GNL3L: variants seen among roughly 807,000 people sequenced by gnomAD.
The protein encoded by GNL3L is G protein nucleolar 3 like.
Under a neutral mutation model 42.9 loss-of-function variants are expected in GNL3L, and 4 were observed. The observed-to-expected ratio is 0.09, with a 90% CI of 0.05 to 0.21. GNL3L has a LOEUF of 0.21. Ranked by LOEUF, GNL3L falls within the 10% of genes least tolerant of loss-of-function variation. The pLI is 1.00. For missense variants in GNL3L, 412 were observed against 481.7 expected, an observed-to-expected ratio of 0.86 and a Z score of 1.36; for synonymous variants, 159 against 176.3, an observed-to-expected ratio of 0.90 and a Z score of 0.78.
chrX:54,596,364 A>T lies in GNL3L; in HGVS notation c.*46-24481A>T, dbSNP rs140602235. ...AACAATATTCTGAGGAATTCTCTGG[A>T]TTAGTAGGCAGAGAGTCTTGTTCTC... is the stretch of plus-strand genomic sequence containing the variant. On this transcript the variant is annotated intron_variant, in intron 16 of 16. Coordinates refer to the GNL3L transcript ENST00000674498. Among the ~76,000 whole-genome samples, 437 of 111,647 alleles carry T rather than the reference A, an allele frequency of 3.9e-3. 3 individuals carry two copies. Among genetic ancestry groups the T allele is most frequent in the African/African-American group, 0.014 (423 of 30,727 alleles).
intron 16 of GNL3L, among the ~76,000 whole-genome samples, chrX:54,573,365 G>A (rs1276867583): frequency 4.1e-4 from 45 of 108,722 alleles, no homozygotes; most frequent in African/African-American, 1.4e-3. Context: ...CCAACACAGC[G>A]AAACCCCATC....
At chrX:54,641,736 TG>T in the GNL3L span, among the ~76,000 whole-genome samples, 1 of 112,172 alleles carries the variant, frequency 8.9e-6, no homozygotes, top group Non-Finnish European at 1.9e-5. Flanking sequence ...ATTGCTCTCT[TG>T]GGAATGTGAA....
rs955982901 is a variant in GNL3L at position 54,537,193 on chromosome X, A to G, written c.20-1847A>G. On this transcript the variant is annotated intron_variant, in intron 2 of 15. Coordinates refer to ENST00000360845, the MANE Select transcript of GNL3L (RefSeq NM_001184819.2). The stretch of plus-strand genomic sequence containing the variant: ...CATGCCGCCACACCTGGTTAATTAA[A>G]CTTTTTTTTTTATATAGACAAGGTC... 2.8e-5 allele frequency among the ~76,000 whole-genome samples: 3 copies of G among 108,658 alleles called. No homozygotes were observed. In the Admixed American group the frequency reaches 3.0e-4, roughly 11 times the overall value. 94.4% of individuals were successfully genotyped at this position (108,658 alleles called of 115,157 possible). A position where few individuals can be genotyped will look rare whatever the true frequency, so the allele number is the denominator to read the frequency against.
At chrX:54,612,684 T>C (rs1236953240) in intron 16 of GNL3L, among the ~76,000 whole-genome samples, 2 of 111,320 alleles carry the variant, frequency 1.8e-5, no homozygotes, top group Admixed American at 9.6e-5. Context: ...CCTTCATATA[T>C]GATGCTTAGT....
At chrX:54,632,415 GT>G in the GNL3L span, among the ~76,000 whole-genome samples, 30 of 103,682 alleles carry the variant, frequency 2.9e-4, no homozygotes, top group South Asian at 1.6e-3. Context: ...ATTATTCTTA[GT>G]TTTTTTTTTT....
At chrX:54,635,889 A>G in the GNL3L span, among the ~76,000 whole-genome samples, 2 of 111,106 alleles carry the variant, frequency 1.8e-5, no homozygotes, top group African/African-American at 6.5e-5. Context: ...GAGTTTTCAC[A>G]TGTTGTTTTT....
At chrX:54,626,293 A>AAG (rs1569542758), downstream of GNL3L, among the ~76,000 whole-genome samples, 10 of 111,491 alleles carry the variant, frequency 9.0e-5, no homozygotes, top group African/African-American at 3.3e-4. Context: ...TTATCGTTCT[A>AAG]TGCCTGACTT....
the GNL3L span, among the ~76,000 whole-genome samples, chrX:54,635,041 C>T: frequency 9.1e-6 from 1 of 110,118 alleles, no homozygotes; most frequent in Admixed American, 9.8e-5. Flanking sequence ...ATCCACCCAT[C>T]TCGGCCTCCC....
At chrX:54,608,829 C>G (rs771053647) in intron 16 of GNL3L, among the ~76,000 whole-genome samples, 1 of 112,042 alleles carries the variant, frequency 8.9e-6, no homozygotes, top group Non-Finnish European at 1.9e-5. Flanking sequence ...GTGCAAGTAT[C>G]TTTTTTGAAT....
chrX:54,612,674 C>T (rs1926176799), intron 16 of GNL3L, among the ~76,000 whole-genome samples: 1 of 111,059 alleles, frequency 9.0e-6, no homozygotes, highest in Non-Finnish European at 1.9e-5. Context: ...CTGTATCTTT[C>T]CTTCATATAT....
At chrX:54,559,414 C>T (rs1006374173) in intron 15 of GNL3L, among the ~76,000 whole-genome samples, 3 of 111,896 alleles carry the variant, frequency 2.7e-5, no homozygotes, top group African/African-American at 6.5e-5. Context: ...ACCGCCCCCT[C>T]GTCAGCCAGT....
At chrX:54,544,199 C>A in intron 7 of GNL3L, 24 bp from the exon 8 acceptor site, 1 of 878,383 alleles carries the variant, frequency 1.1e-6, no homozygotes, top group Non-Finnish European at 1.7e-6. Flanking sequence ...TTACCAGCCC[C>A]ATCTGTTCCT....
At chrX:54,540,364 G>A (rs538425620) in intron 4 of GNL3L, 122 bp downstream of exon 4, 13 of 489,176 alleles carry the variant, frequency 2.7e-5, no homozygotes, top group Middle Eastern at 3.8e-4. Context: ...TGTGGAAGCC[G>A]GGAGAGAGGG....
chrX:54,560,601 A>G lies in GNL3L; in HGVS notation c.1748A>G (p.Ter583=), dbSNP rs925812829. Residue 583 remains the stop codon, a stop_retained_variant, in exon 16 of 16, where the codon TAA becomes TGA. Coordinates refer to ENST00000360845, the MANE Select transcript of GNL3L (RefSeq NM_001184819.2). ...AATGCTGATGATGGTGTTGGTGACTAATCGACTGATCTCACTTCCCTTCCG... is the reference window on the plus strand; with the variant it reads ...AATGCTGATGATGGTGTTGGTGACTGATCGACTGATCTCACTTCCCTTCCG... ...SGNADDGVGD[*] is the part of the protein sequence containing the mutation. 76 of 1,077,934 alleles carry G rather than the reference A, an allele frequency of 7.1e-5. No homozygotes were observed. Among genetic ancestry groups the G allele is most frequent in the Non-Finnish European group, 9.3e-5 (72 of 775,180 alleles). 88.8% of individuals were successfully genotyped at this position (1,077,934 alleles called of 1,213,427 possible). A position where few individuals can be genotyped will look rare whatever the true frequency, so the allele number is the denominator to read the frequency against.
At chrX:54,548,186 G>C (rs769322763) in intron 8 of GNL3L, 43 bp from the exon 9 acceptor site, 1 of 1,151,740 alleles carries the variant, frequency 8.7e-7, no homozygotes, top group East Asian at 3.0e-5. Flanking sequence ...GACCTCATCT[G>C]CCACCTGATG....
intron 16 of GNL3L, among the ~76,000 whole-genome samples, chrX:54,615,856 C>G (rs1190160424): frequency 9.0e-6 from 1 of 111,654 alleles, no homozygotes; most frequent in African/African-American, 3.3e-5. Flanking sequence ...AGGCGCCCAC[C>G]ACCACTCCCA....
At chrX:54,632,535 C>G in the GNL3L span, among the ~76,000 whole-genome samples, 4 of 109,807 alleles carry the variant, frequency 3.6e-5, no homozygotes, top group Non-Finnish European at 7.6e-5. Context: ...GTTCTTTCTT[C>G]TACTTGTTCT....
chrX:54,549,504 G>C (rs1228195329), intron 9 of GNL3L, among the ~76,000 whole-genome samples: 2 of 112,502 alleles, frequency 1.8e-5, no homozygotes, highest in Non-Finnish European at 3.8e-5. Flanking sequence ...TTTGAGACCA[G>C]CATGGCCAAC....
chrX:54,569,280 A>G (rs1329225824), downstream of GNL3L, among the ~76,000 whole-genome samples: 1 of 111,881 alleles, frequency 8.9e-6, no homozygotes, highest in East Asian at 2.8e-4. Flanking sequence ...GAGTCTGTGT[A>G]CAATTGGTAT....
Sources: allele counts gnomAD v4.1 joint callset (sites outside exome capture counted in the v4.1 genomes callset), GRCh38; gene constraint gnomAD v4.1.1; transcripts MANE v1.5; gene names NCBI Gene and HGNC (gene_info 2026-07-23, HGNC 2026-07-21).